SORCS1: variants seen among roughly 807,000 people sequenced by gnomAD.
SORCS1 encodes the protein sortilin related VPS10 domain containing receptor 1.
SORCS1 carries 60 observed loss-of-function variants against 146.1 expected under a neutral mutation model. That is an observed-to-expected ratio of 0.41 (90% CI 0.33 to 0.51). The LOEUF (loss-of-function observed/expected upper bound fraction) is 0.51, where lower values mean the gene tolerates loss of function less well. Ranked by LOEUF, SORCS1 falls within the 20% of genes least tolerant of loss-of-function variation. SORCS1 has a pLI of 0.21. For missense variants in SORCS1, 1,352 were observed against 1,487.6 expected (o/e 0.91, Z 1.50); for synonymous variants, 637 against 584.0 (o/e 1.09, Z -1.31).
At chr10:106,834,596 C>T (rs570533646) in intron 2 of SORCS1, among the ~76,000 whole-genome samples, 30 of 151,770 alleles carry the variant, frequency 2.0e-4, no homozygotes, top group Admixed American at 3.9e-4. Context: ...GAAAGAGGAA[C>T]TATAAAATTA....
chr10:106,730,015 T>C, intron 6 of SORCS1, 35 bp downstream of exon 6: 1 of 1,605,672 alleles, frequency 6.2e-7, no homozygotes, highest in Non-Finnish European at 8.5e-7. Context: ...GAACTAATAT[T>C]ACTATGAGTA....
At chr10:107,025,216 T>TA (rs1365050355) in intron 1 of SORCS1, among the ~76,000 whole-genome samples, 2 of 152,218 alleles carry the variant, frequency 1.3e-5, no homozygotes, top group Admixed American at 6.5e-5. Flanking sequence ...TGCAAATGGT[T>TA]AGTCTATAAA....
chr10:106,709,267 C>T lies in SORCS1; in HGVS notation c.1099G>A (p.Asp367Asn). ...TCCTGAACAATCAAAGAGTCTGGGT[C>T]AATGTAGCCTGGAAAAGGCTGATTC... ...NRNQPFPGYI[D>N]PDSLIVQDHY... Residue 367 changes from aspartate to asparagine, a missense_variant, in exon 7 of 26, where the codon GAC (aspartate) becomes AAC (asparagine). Asp to Asn is a conservative substitution (Grantham distance 23, BLOSUM62 1). Transcript: ENST00000263054. 1 of 1,613,746 alleles carries T rather than the reference C, an allele frequency of 6.2e-7. No individual in the cohort carries two copies. Among genetic ancestry groups the T allele is most frequent in the African/African-American group, 1.3e-5 (1 of 75,006 alleles).
Position 106,577,315 on chromosome 10 carries a change from G to A in SORCS1, c.*105C>T, listed in dbSNP as rs1342805867. On this transcript the variant is annotated 3_prime_UTR_variant, in exon 26 of 26. Transcript: ENST00000263054. ...CAAAATAGGAAACAGAACAACAAAG[G>A]AAAGAAAAAAAACACAAAGTTAGTG... 5 of 1,605,038 alleles carry A rather than the reference G, an allele frequency of 3.1e-6. No homozygotes were observed. Among genetic ancestry groups the A allele is most frequent in the Non-Finnish European group, 4.2e-6 (5 of 1,177,448 alleles).
At chr10:107,008,726 G>A (rs145006653) in intron 1 of SORCS1, among the ~76,000 whole-genome samples, 5,678 of 152,266 alleles carry the variant, frequency 0.037, 370 homozygotes, top group African/African-American at 0.13. Flanking sequence ...GGCCGGGTGC[G>A]GTGGCTCATG....
intron 12 of SORCS1, among the ~76,000 whole-genome samples, chr10:106,678,562 G>T (rs1007910594): frequency 6.6e-6 from 1 of 152,170 alleles, no homozygotes; most frequent in African/African-American, 2.4e-5. Context: ...ACGTCAGTAG[G>T]TTATTAAAAC....
chr10:106,769,070 G>T (rs1859791222), intron 4 of SORCS1, among the ~76,000 whole-genome samples: 1 of 152,224 alleles, frequency 6.6e-6, no homozygotes, highest in African/African-American at 2.4e-5. Flanking sequence ...TAGTATGACT[G>T]AGATTTTGAA....
intron 1 of SORCS1, among the ~76,000 whole-genome samples, chr10:106,990,950 C>T (rs1956745961): frequency 6.6e-6 from 1 of 152,156 alleles, no homozygotes; most frequent in African/African-American, 2.4e-5. Context: ...TATAATGCAG[C>T]TAAAATAATC....
intron 1 of SORCS1, among the ~76,000 whole-genome samples, chr10:107,003,806 G>A (rs543726034): frequency 6.6e-6 from 1 of 152,074 alleles, no homozygotes; most frequent in Non-Finnish European, 1.5e-5. Context: ...GCCCTGAATA[G>A]TTGGGAAGAA....
At chr10:106,678,169 T>C (rs1466616406) in intron 12 of SORCS1, among the ~76,000 whole-genome samples, 1 of 152,148 alleles carries the variant, frequency 6.6e-6, no homozygotes, top group Admixed American at 6.5e-5. Context: ...TTCTTCCAAT[T>C]TGTTTATTTC....
intron 1 of SORCS1, among the ~76,000 whole-genome samples, chr10:107,000,480 G>A (rs550020732): frequency 3.3e-5 from 5 of 151,870 alleles, no homozygotes; most frequent in East Asian, 1.9e-4. Context: ...GGTGGCACGC[G>A]CCTGTAGTCC....
At chr10:106,668,965 C>T (rs1353895162) in intron 16 of SORCS1, among the ~76,000 whole-genome samples, 1 of 152,152 alleles carries the variant, frequency 6.6e-6, no homozygotes, top group Non-Finnish European at 1.5e-5. Context: ...AGAACCCCAA[C>T]AAGGTTGTGA....
chr10:106,925,251 A>T (rs918161371), intron 2 of SORCS1, among the ~76,000 whole-genome samples: 1 of 151,958 alleles, frequency 6.6e-6, no homozygotes, highest in East Asian at 1.9e-4. Context: ...CCTCTGCCAG[A>T]GGCCAGAGCA....
chr10:107,101,262 C>G (rs1964905836), intron 1 of SORCS1, among the ~76,000 whole-genome samples: 1 of 152,204 alleles, frequency 6.6e-6, no homozygotes, highest in Non-Finnish European at 1.5e-5. Flanking sequence ...CCAGGCTGCT[C>G]TTGAACTCCT....
intron 18 of SORCS1, among the ~76,000 whole-genome samples, chr10:106,645,984 C>T (rs1849400883): frequency 6.6e-6 from 1 of 152,032 alleles, no homozygotes; most frequent in African/African-American, 2.4e-5. Context: ...TATAATTAGG[C>T]TGGGCGTGGT....
At chr10:106,874,078 A>G (rs1950516363) in intron 2 of SORCS1, among the ~76,000 whole-genome samples, 1 of 152,240 alleles carries the variant, frequency 6.6e-6, no homozygotes, top group African/African-American at 2.4e-5. Flanking sequence ...AGTACTTTAT[A>G]AATATTTACT....
intron 1 of SORCS1, among the ~76,000 whole-genome samples, chr10:107,096,427 T>C (rs151158216): frequency 6.6e-6 from 1 of 152,372 alleles, no homozygotes; most frequent in East Asian, 1.9e-4. Flanking sequence ...ACAGAGATCA[T>C]GTACATGAAG....
At chr10:106,925,862 G>A (rs1397245263) in intron 2 of SORCS1, among the ~76,000 whole-genome samples, 1 of 152,174 alleles carries the variant, frequency 6.6e-6, no homozygotes, top group African/African-American at 2.4e-5. Context: ...GTAAGACTTG[G>A]TAAGGGGCTG....
intron 18 of SORCS1, among the ~76,000 whole-genome samples, chr10:106,638,953 T>A (rs748749189): frequency 6.6e-6 from 1 of 152,210 alleles, no homozygotes; most frequent in Non-Finnish European, 1.5e-5. Flanking sequence ...AATTCTATTA[T>A]TCTTGTTATT....
Sources: gnomAD v4.1 joint callset for allele counts (sites outside exome capture counted in the v4.1 genomes callset) on GRCh38, gnomAD v4.1.1 for gene constraint, MANE v1.5 for transcripts, NCBI Gene and HGNC (gene_info 2026-07-23, HGNC 2026-07-21) for gene names.